The following NAA60 variants were observed in gnomAD, a reference collection of about 807,000 sequenced individuals.
The protein encoded by NAA60 is N-alpha-acetyltransferase 60.
NAA60 carries 8 observed loss-of-function variants against 26.1 expected under a neutral mutation model. The ratio of observed to expected loss-of-function variants is 0.31; its 90% CI spans 0.18 to 0.55. The LOEUF is 0.55. NAA60 is among the 20% of genes least tolerant of loss of function. NAA60 has a pLI of 0.93. For missense variants in NAA60, 290 were observed against 311.3 expected, an observed-to-expected ratio of 0.93 and a Z score of 0.51; for synonymous variants, 131 against 122.5, an observed-to-expected ratio of 1.07 and a Z score of -0.46.
At chr16:3,471,828 C>G (rs1202930962) in intron 2 of NAA60, among the ~76,000 whole-genome samples, 1 of 152,174 alleles carries the variant, frequency 6.6e-6, no homozygotes, top group African/African-American at 2.4e-5. Context: ...AGCCTTTCCC[C>G]CGTGCTGGTT....
intron 2 of NAA60, among the ~76,000 whole-genome samples, chr16:3,467,267 G>A (rs560701542): frequency 1.3e-5 from 2 of 152,210 alleles, no homozygotes; most frequent in South Asian, 4.2e-4. Flanking sequence ...TCCCTGCAGG[G>A]TCTGGGAGCA....
At chr16:3,469,292 C>G (rs1596325514) in intron 2 of NAA60, among the ~76,000 whole-genome samples, 1 of 131,966 alleles carries the variant, frequency 7.6e-6, no homozygotes, top group African/African-American at 2.8e-5. Context: ...ACCTGCCTGG[C>G]AGGGCCCGTC....
In NAA60 at chr16:3,443,730, C is replaced by T. The variant is rs12923869; in HGVS notation, c.-184C>T. 828 of 1,482,896 alleles carry T rather than the reference C, an allele frequency of 5.6e-4. No homozygotes were observed. The highest frequency in any genetic ancestry group is 6.7e-4 in the Non-Finnish European group (753 of 1,119,142). 91.9% of individuals were successfully genotyped at this position (1,482,896 alleles called of 1,614,324 possible). On this transcript the variant is annotated 5_prime_UTR_variant, in exon 1 of 8. Transcript: ENST00000407558. ...CGTGAGCTCCGGGCCTGTTTGCCTGCTGAAGTAGAGTCTTAGGGTGACCCC... is the reference window on the plus strand; with the variant it reads ...CGTGAGCTCCGGGCCTGTTTGCCTGTTGAAGTAGAGTCTTAGGGTGACCCC...
At chr16:3,449,210 TA>T (rs1162934011) in intron 2 of NAA60, among the ~76,000 whole-genome samples, 1 of 151,892 alleles carries the variant, frequency 6.6e-6, no homozygotes, top group Non-Finnish European at 1.5e-5. Flanking sequence ...CCATCTCTAC[TA>T]AAAAATACAA....
In NAA60 at chr16:3,482,614, C is replaced by A; in HGVS notation, c.337+16C>A. ...CACGGCATAGGTAAGGGCAGCCGGG[C>A]CCGCGGCTTGGCGCCCACCCCACCC... On this transcript the variant is annotated intron_variant, in intron 5 of 7. Coordinates refer to ENST00000407558, the MANE Select transcript of NAA60 (RefSeq NM_001083601.3). The A allele has an allele frequency of 6.4e-7, 1 of 1,572,540 alleles. No homozygotes were observed. The highest frequency in any genetic ancestry group is 8.6e-7 in the Non-Finnish European group (1 of 1,158,536).
intron 2 of NAA60, 165 bp from the exon 3 acceptor site, chr16:3,476,057 G>A (rs145537103): frequency 2.2e-5 from 13 of 586,162 alleles, no homozygotes; most frequent in Non-Finnish European, 1.8e-5. Flanking sequence ...CGACTGCAGC[G>A]CCTCTTGGGA....
chr16:3,482,413 A>G (rs539818972), intron 4 of NAA60, 89 bp from the exon 5 acceptor site: 16 of 1,049,290 alleles, frequency 1.5e-5, no homozygotes, highest in Middle Eastern at 2.1e-4. Context: ...TGTCGTGGGA[A>G]GTCGGTGCGG....
intron 2 of NAA60, among the ~76,000 whole-genome samples, chr16:3,461,555 T>C (rs2150966652): frequency 6.6e-6 from 1 of 152,312 alleles, no homozygotes; most frequent in Non-Finnish European, 1.5e-5. Context: ...GATGTTGCAA[T>C]GTCTCTTCAA....
intron 4 of NAA60, among the ~76,000 whole-genome samples, chr16:3,479,831 C>CTCAT (rs2036714412): frequency 6.6e-6 from 1 of 152,186 alleles, no homozygotes; most frequent in South Asian, 2.1e-4. Flanking sequence ...GGCTTCATAA[C>CTCAT]CACTGTCGTT....
At chr16:3,475,489 T>G (rs2036423083) in intron 2 of NAA60, among the ~76,000 whole-genome samples, 1 of 152,092 alleles carries the variant, frequency 6.6e-6, no homozygotes, top group Non-Finnish European at 1.5e-5. Context: ...CCTTCCTCCC[T>G]CCATTCCTCT....
At chr16:3,447,062 C>T (rs964838747) in intron 1 of NAA60, among the ~76,000 whole-genome samples, 3 of 151,982 alleles carry the variant, frequency 2.0e-5, no homozygotes, top group East Asian at 1.9e-4. Flanking sequence ...AGGCTGGTCT[C>T]GAACTCCTGA....
At chr16:3,456,946 C>A (rs1405168989) in intron 2 of NAA60, 1 of 152,112 alleles carries the variant, frequency 6.6e-6, no homozygotes, top group East Asian at 1.9e-4. Flanking sequence ...CATGCCACCA[C>A]GCCTGGCTAA....
intron 6 of NAA60, among the ~76,000 whole-genome samples, chr16:3,483,950 C>G (rs1035881272): frequency 9.2e-5 from 14 of 152,286 alleles, no homozygotes; most frequent in Non-Finnish European, 2.9e-5. Context: ...GGACAGGATC[C>G]CCTGTCCTCC....
chr16:3,466,426 C>T (rs543149071), intron 2 of NAA60, among the ~76,000 whole-genome samples: 1 of 152,352 alleles, frequency 6.6e-6, no homozygotes, highest in East Asian at 1.9e-4. Context: ...ACGTGGGCAG[C>T]TGCTCCTTTG....
intron 5 of NAA60, chr16:3,482,880 C>T: frequency 1.8e-6 from 1 of 541,314 alleles, no homozygotes; most frequent in East Asian, 3.1e-5. Context: ...AAACTGGCAC[C>T]TCTCACTTCT....
chr16:3,445,725 T>C (rs2034525432), intron 1 of NAA60, among the ~76,000 whole-genome samples: 1 of 152,106 alleles, frequency 6.6e-6, no homozygotes, highest in African/African-American at 2.4e-5. Context: ...AAACACAGTT[T>C]CCAATGCTTT....
intron 3 of NAA60, among the ~76,000 whole-genome samples, chr16:3,478,737 T>G (rs9930050): frequency 0.079 from 12,050 of 152,178 alleles, 640 homozygotes; most frequent in South Asian, 0.18. Flanking sequence ...CAAACGCCTG[T>G]CAGCTGTGAA....
At chr16:3,443,946 T>C (rs900727704) in intron 1 of NAA60, 109 bp downstream of exon 1, 2 of 1,403,510 alleles carry the variant, frequency 1.4e-6, no homozygotes, top group African/African-American at 2.9e-5. Flanking sequence ...CTGTCCTTTG[T>C]GTCTTGAGCG....
Position 3,485,969 on chromosome 16 carries a change from C to T in NAA60, c.*709C>T. The T allele has an allele frequency of 3.4e-6, 1 of 294,216 alleles. No individual in the cohort carries two copies. The highest frequency in any genetic ancestry group is 6.7e-6 in the Non-Finnish European group (1 of 148,522). The allele number at this position is 294,216 out of a possible 1,614,324, so 18.2% of individuals were successfully genotyped here. ...ACCAGTGCCCTGGGAGGTCACACTG[C>T]CCGTCGGACCTTGGCATGCTCCATT... On this transcript the variant is annotated 3_prime_UTR_variant, in exon 8 of 8. Coordinates refer to ENST00000407558, the MANE Select transcript of NAA60 (RefSeq NM_001083601.3).
Sources: gnomAD v4.1 joint callset for allele counts (sites outside exome capture counted in the v4.1 genomes callset) on GRCh38, gnomAD v4.1.1 for gene constraint, MANE v1.5 for transcripts, NCBI Gene and HGNC (gene_info 2026-07-23, HGNC 2026-07-21) for gene names.